The following CAPN10 variants were observed in gnomAD, a reference collection of about 807,000 sequenced individuals.
CAPN10 encodes the protein calpain 10.
Under a neutral mutation model 78.4 loss-of-function variants are expected in CAPN10, and 71 were observed. That is an observed-to-expected ratio of 0.91 (90% CI 0.75 to 1.10). The LOEUF (loss-of-function observed/expected upper bound fraction) is 1.10. Among genes scored for constraint, CAPN10 ranks in the 50% least tolerant of loss-of-function variants. The probability of loss-of-function intolerance (pLI) is 0.00; values close to 1 mark genes in which losing one functional copy is unlikely to be tolerated. For synonymous variants in CAPN10, 437 were observed against 407.2 expected, an observed-to-expected ratio of 1.07 and a Z score of -0.88; for missense variants, 849 against 924.6, an observed-to-expected ratio of 0.92 and a Z score of 1.06.
rs2975760 is a variant in CAPN10, at chr2:240,591,746, T to C, written c.471-187T>C. The C allele has an allele frequency of 0.15, 89,855 of 605,384 alleles. 7,381 individuals are homozygous for C. The highest frequency in any genetic ancestry group is 0.19 in the South Asian group (9,268 of 49,058). The allele number at this position is 605,384 out of a possible 1,614,324, so 37.5% of individuals were successfully genotyped here. ...GACTGCAGGGCGCTCACGCTTGCTG[T>C]GAAGTAAGGCGTTTGAAGGTGAGGC... On this transcript the variant is annotated intron_variant, in intron 3 of 11. Coordinates refer to ENST00000391984, the MANE Select transcript of CAPN10 (RefSeq NM_023083.4).
rs2093088384 is a variant in CAPN10, at chr2:240,589,531, A to G, written c.273+57A>G. On this transcript the variant is annotated intron_variant, in intron 2 of 11. Transcript: ENST00000391984. ...AGCCGGTTTCTTTTTGCGTTTCTCCAGCCTGCTGAGTACCAGGAGGCCTTG... is the reference window on the plus strand; with the variant it reads ...AGCCGGTTTCTTTTTGCGTTTCTCCGGCCTGCTGAGTACCAGGAGGCCTTG... The G allele has an allele frequency of 3.9e-6, 6 of 1,554,174 alleles. No homozygotes were observed. In the Admixed American group the frequency reaches 1.1e-4, roughly 29 times the overall value.
chr2:240,592,448 T>C (rs1379679648), intron 4 of CAPN10: 2 of 662,774 alleles, frequency 3.0e-6, no homozygotes, highest in Admixed American at 4.1e-5. Context: ...GCTGGCAACC[T>C]GGCAAAATCA....
At chr2:240,592,547 A>G (rs1005748172) in intron 4 of CAPN10, 4 of 473,808 alleles carry the variant, frequency 8.4e-6, no homozygotes, top group African/African-American at 8.0e-5. Context: ...GGTGGCTCAC[A>G]CCTGTAATCC....
rs1171619119 is a variant in CAPN10 at position 240,590,880 on chromosome 2, T to C, written c.339T>C (p.Ile113=). ...QEYRGSFTCR[I]WQFGRWVEVT... ...ACCGGGGCTCCTTCACCTGTCGCAT[T>C]TGGCAGTTTGGACGCTGGGTGGAGG... The change falls in exon 3 of 12, where the codon ATT becomes ATC. Residue 113 remains isoleucine, a synonymous_variant. Transcript: ENST00000391984. The C allele has an allele frequency of 8.1e-6, 13 of 1,614,108 alleles. No homozygotes were observed. Among genetic ancestry groups the C allele is most frequent in the Admixed American group, 3.3e-5 (2 of 60,010 alleles).
intron 2 of CAPN10, chr2:240,589,728 C>G: frequency 2.2e-6 from 1 of 463,684 alleles, no homozygotes; most frequent in Non-Finnish European, 3.8e-6. Context: ...CTCTCCTGAC[C>G]CCCGGACTCC....
chr2:240,596,528 G>A lies in CAPN10; in HGVS notation c.1481+7G>A, dbSNP rs1194475627. 2.5e-6 allele frequency: 4 copies of A among 1,596,436 alleles called. No individual in the cohort carries two copies. Among genetic ancestry groups the A allele is most frequent in the Non-Finnish European group, 3.4e-6 (4 of 1,168,004 alleles). On this transcript the variant is annotated splice_region_variant and intron_variant, in intron 8 of 11. Transcript: ENST00000391984. ...CCGGGCGAGTCTCCCTTAGGTGAGA[G>A]GAACCGCGCAGTGCTGCTGGCTCTC...
rs199848678 is a variant in CAPN10 at position 240,590,958 on chromosome 2, C to A, written c.417C>A (p.Arg139=). Residue 139 remains arginine, a synonymous_variant, in exon 3 of 12, where the codon CGC becomes CGA. Coordinates refer to ENST00000391984, the MANE Select transcript of CAPN10 (RefSeq NM_023083.4). ...TTGCAGGGAGACTCTGTTTCTCCCG[C>A]TGCCAGAGGGAGGATGTGTTCTGGC... ...PCLAGRLCFS[R]CQREDVFWLP... is the part of the protein sequence containing the mutation. The A allele has an allele frequency of 9.9e-5, 159 of 1,614,118 alleles. 2 individuals are homozygous for A. The highest frequency in any genetic ancestry group is 5.9e-5 in the Non-Finnish European group (70 of 1,180,050).
intron 7 of CAPN10, chr2:240,596,077 C>T: frequency 2.0e-6 from 3 of 1,532,812 alleles, no homozygotes; most frequent in Non-Finnish European, 2.6e-6. Context: ...CCTTTGTGGG[C>T]CCAGCTACAA....
At chr2:240,592,245 C>A in intron 4 of CAPN10, 95 bp downstream of exon 4, 1 of 1,054,532 alleles carries the variant, frequency 9.5e-7, no homozygotes, top group Non-Finnish European at 1.4e-6. Context: ...ACTGGCTACA[C>A]AGCCCTGTCA....
intron 1 of CAPN10, 128 bp downstream of exon 1, chr2:240,587,180 A>G: frequency 2.2e-6 from 1 of 446,754 alleles, no homozygotes; most frequent in Non-Finnish European, 3.8e-6. Context: ...TCTCCTCAGA[A>G]GTGGGCGCCC....
intron 3 of CAPN10, 31 bp from the exon 4 acceptor site, chr2:240,591,902 G>A (rs771243909): frequency 2.5e-6 from 4 of 1,587,502 alleles, no homozygotes; most frequent in African/African-American, 1.3e-5. Flanking sequence ...CAATGCCAGA[G>A]GCTCACTCCC....
chr2:240,596,049 G>T, intron 7 of CAPN10: 1 of 1,514,264 alleles, frequency 6.6e-7, no homozygotes, highest in Non-Finnish European at 8.9e-7. Flanking sequence ...CAGCCCCCAG[G>T]TTGCCTGGGC....
rs939291631 is a variant in CAPN10, at chr2:240,589,558, G to T, written c.273+84G>T. On this transcript the variant is annotated intron_variant, in intron 2 of 11. Coordinates refer to ENST00000391984, the MANE Select transcript of CAPN10 (RefSeq NM_023083.4). ...CCTGCTGAGTACCAGGAGGCCTTGC[G>T]AAAGCAGAGCTGTGCCGCAGCCGGA... is the stretch of plus-strand genomic sequence containing the variant. 1.0e-5 allele frequency: 15 copies of T among 1,492,572 alleles called. No individual in the cohort carries two copies. In the African/African-American group the frequency reaches 2.1e-4, roughly 21 times the overall value. 92.5% of individuals were successfully genotyped at this position (1,492,572 alleles called of 1,614,324 possible). A position where few individuals can be genotyped will look rare whatever the true frequency, so the allele number is the denominator to read the frequency against.
At chr2:240,590,595 C>T (rs938332803) in intron 2 of CAPN10, 5 of 538,086 alleles carry the variant, frequency 9.3e-6, no homozygotes, top group South Asian at 2.4e-5. Context: ...CCAGGTGTGC[C>T]GTAGAGTTCT....
At chr2:240,593,836 C>T (rs939093182) in intron 4 of CAPN10, 70 bp from the exon 5 acceptor site, 2 of 1,509,094 alleles carry the variant, frequency 1.3e-6, no homozygotes, top group Non-Finnish European at 1.8e-6. Flanking sequence ...AGGCAGAGGC[C>T]TGTGTGTCCT....
rs1297744711 is a variant in CAPN10 at position 240,598,416 on chromosome 2, C to G, written c.1989+19C>G. 1.9e-6 allele frequency: 3 copies of G among 1,613,342 alleles called. No individual in the cohort carries two copies. The African/African-American group carries it at 4.0e-5, about 22-fold the overall frequency. ...CCAAGAGGTGTGTATGCAGCCCCGC[C>G]AGCCCGGCTCACCTGCCTGGGGCTG... On this transcript the variant is annotated intron_variant, in intron 11 of 11. Transcript: ENST00000391984.
chr2:240,591,345 G>T, intron 3 of CAPN10: 2 of 294,020 alleles, frequency 6.8e-6, no homozygotes, highest in Non-Finnish European at 1.3e-5. Flanking sequence ...GGTTGGGACA[G>T]GCAGACTCAT....
chr2:240,596,429 G>A lies in CAPN10; in HGVS notation c.1389G>A (p.Pro463=), dbSNP rs761970401. 1.2e-5 allele frequency: 19 copies of A among 1,613,586 alleles called. No homozygotes were observed. Among genetic ancestry groups the A allele is most frequent in the East Asian group, 2.2e-5 (1 of 44,896 alleles). The part of the protein sequence containing the change: ...REVHLRCELS[P]GYYLAVPSTF... ...TCCACCTGCGTTGTGAGCTCTCACC[G>A]GGCTACTACCTGGCTGTCCCCAGCA... The change falls in exon 8 of 12, where the codon CCG becomes CCA. Residue 463 remains proline, a synonymous_variant. Transcript: ENST00000391984.
At chr2:240,590,787 G>C (rs576389638) in intron 2 of CAPN10, 28 bp from the exon 3 acceptor site, 4 of 1,608,118 alleles carry the variant, frequency 2.5e-6, no homozygotes, top group Middle Eastern at 1.7e-4. Flanking sequence ...TATCACGCTC[G>C]CCTTTTGCTT....
Sources: allele counts gnomAD v4.1 joint callset, GRCh38; gene constraint gnomAD v4.1.1; transcripts MANE v1.5; gene names NCBI Gene and HGNC (gene_info 2026-07-23, HGNC 2026-07-21).